FAM227B: variants seen among roughly 807,000 people sequenced by gnomAD.
The protein encoded by FAM227B is protein FAM227B.
FAM227B carries 88 observed loss-of-function variants against 73.8 expected under a neutral mutation model. That is an observed-to-expected ratio of 1.19 (90% CI 1.00 to 1.42). The LOEUF (loss-of-function observed/expected upper bound fraction) is 1.42, where lower values mean the gene tolerates loss of function less well. Among genes scored for constraint, FAM227B ranks in the 40% most tolerant of loss-of-function variants. The pLI, the probability that FAM227B is intolerant of heterozygous loss-of-function variation, is 0.00. For synonymous variants in FAM227B, 210 were observed against 190.5 expected (o/e 1.10, Z -0.84); for missense variants, 632 against 590.9 (o/e 1.07, Z -0.72).
At chr15:49,401,269 A>G (rs1370992449) in intron 11 of FAM227B, among the ~76,000 whole-genome samples, 10 of 152,284 alleles carry the variant, frequency 6.6e-5, no homozygotes, top group African/African-American at 1.4e-4. Flanking sequence ...ATCACTGGCC[A>G]TCAGAGAAAT....
At chr15:49,567,394 T>C (rs2074745518) in intron 9 of FAM227B, among the ~76,000 whole-genome samples, 1 of 152,110 alleles carries the variant, frequency 6.6e-6, no homozygotes, top group African/African-American at 2.4e-5. Context: ...CAGTAGCATA[T>C]TCTGGACATG....
intron 11 of FAM227B, among the ~76,000 whole-genome samples, chr15:49,447,795 C>T (rs551702385): frequency 4.6e-5 from 7 of 151,628 alleles, no homozygotes; most frequent in Non-Finnish European, 1.0e-4. Context: ...AACTGGTCAC[C>T]AACATGATGG....
In FAM227B at chr15:49,518,541, G is replaced by C. The variant is rs184371138; in HGVS notation, c.875-10193C>G. On this transcript the variant is annotated intron_variant, in intron 10 of 15. Coordinates refer to ENST00000299338, the MANE Select transcript of FAM227B (RefSeq NM_152647.3). ...ACGGCTGGGGAGGCCGCACAATCAT[G>C]GCAGAAGGCAAAGGAGGAGCAAAAC... Among the ~76,000 whole-genome samples the C allele has an allele frequency of 3.3e-5, 5 of 152,258 alleles. No homozygotes were observed. In the East Asian group the frequency reaches 9.7e-4, roughly 29 times the overall value.
At chr15:49,351,951 T>C (rs2042317499) in intron 13 of FAM227B, among the ~76,000 whole-genome samples, 1 of 152,222 alleles carries the variant, frequency 6.6e-6, no homozygotes, top group Non-Finnish European at 1.5e-5. Flanking sequence ...ATTTATATTA[T>C]TACCTCTGTA....
chr15:49,350,251 G>C (rs1200355752), intron 13 of FAM227B, among the ~76,000 whole-genome samples: 1 of 152,178 alleles, frequency 6.6e-6, no homozygotes, highest in Non-Finnish European at 1.5e-5. Flanking sequence ...AATGTGGCGA[G>C]TGTATCAGAT....
intron 9 of FAM227B, among the ~76,000 whole-genome samples, chr15:49,549,539 G>A (rs940865559): frequency 6.6e-6 from 1 of 151,986 alleles, no homozygotes; most frequent in African/African-American, 2.4e-5. Flanking sequence ...CTCTTAACGA[G>A]CATGCTGCCC....
chr15:49,530,610 A>G (rs1234881708), intron 10 of FAM227B, among the ~76,000 whole-genome samples: 2 of 151,860 alleles, frequency 1.3e-5, no homozygotes, highest in Admixed American at 6.6e-5. Context: ...TAGAACTACA[A>G]TGAAAGGCTA....
At position 49,588,002 on chromosome 15, in the gene FAM227B, C is replaced by G; in HGVS notation, c.405+14G>C. The stretch of plus-strand genomic sequence containing the variant: ...ATCCAACTTTCAAGGATGATAAAAA[C>G]ATAGATACCATACCATTATCTTTTT... On this transcript the variant is annotated intron_variant, in intron 5 of 15. Coordinates refer to ENST00000299338, the MANE Select transcript of FAM227B (RefSeq NM_152647.3). 7.0e-7 allele frequency: 1 copy of G among 1,430,396 alleles called. No homozygotes were observed. The highest frequency in any genetic ancestry group is 9.3e-7 in the Non-Finnish European group (1 of 1,077,856). 88.6% of individuals were successfully genotyped at this position (1,430,396 alleles called of 1,614,324 possible).
chr15:49,523,295 A>C (rs1304831911), intron 10 of FAM227B, among the ~76,000 whole-genome samples: 1 of 152,174 alleles, frequency 6.6e-6, no homozygotes, highest in Non-Finnish European at 1.5e-5. Context: ...AAGTAATTGA[A>C]TCATGATGGT....
intron 11 of FAM227B, among the ~76,000 whole-genome samples, chr15:49,392,824 A>C (rs919345601): frequency 8.5e-5 from 13 of 152,326 alleles, no homozygotes; most frequent in Non-Finnish European, 1.8e-4. Context: ...ATTATTTCAA[A>C]TGGTCATAGA....
At chr15:49,619,363 G>C (rs1326620676) in intron 1 of FAM227B, among the ~76,000 whole-genome samples, 2 of 152,164 alleles carry the variant, frequency 1.3e-5, no homozygotes, top group Non-Finnish European at 2.9e-5. Flanking sequence ...GTAGCACCGC[G>C]TTACTTTTTG....
chr15:49,489,539 A>C (rs2056700541), intron 11 of FAM227B: 1 of 168,216 alleles, frequency 5.9e-6, no homozygotes, highest in Non-Finnish European at 1.2e-5. Context: ...ATCAGACTCA[A>C]CATGAAGATA....
chr15:49,371,639 T>C lies in FAM227B; in HGVS notation c.1013-240A>G, dbSNP rs560715733. Among the ~76,000 whole-genome samples, 20 of 151,288 alleles carry C rather than the reference T, an allele frequency of 1.3e-4. No individual in the cohort carries two copies. In the South Asian group the frequency reaches 4.2e-3, roughly 31 times the overall value. The stretch of plus-strand genomic sequence containing the variant: ...TCATTTATAAATAAATGAAATAAAA[T>C]TCACTTATAAATAAATGAAATAAAA... On this transcript the variant is annotated intron_variant, in intron 11 of 15. Transcript: ENST00000299338.
chr15:49,509,725 G>A (rs572400101), intron 10 of FAM227B, among the ~76,000 whole-genome samples: 7 of 151,854 alleles, frequency 4.6e-5, no homozygotes, highest in East Asian at 3.9e-4. Flanking sequence ...CACAACACTC[G>A]AAATTTATCT....
intron 5 of FAM227B, 64 bp from the exon 6 acceptor site, chr15:49,577,728 T>G (rs1279377813): frequency 9.7e-7 from 1 of 1,031,934 alleles, no homozygotes; most frequent in Non-Finnish European, 1.4e-6. Context: ...ATTTAGTAAA[T>G]TTGTTCAGTT....
intron 11 of FAM227B, among the ~76,000 whole-genome samples, chr15:49,456,632 T>C (rs562230471): frequency 2.6e-5 from 4 of 152,196 alleles, no homozygotes; most frequent in African/African-American, 9.6e-5. Context: ...ATAACTAACA[T>C]AGTAACTACA....
chr15:49,461,346 T>A (rs538980390), intron 11 of FAM227B, among the ~76,000 whole-genome samples: 1 of 152,324 alleles, frequency 6.6e-6, no homozygotes, highest in African/African-American at 2.4e-5. Flanking sequence ...ACTGAGTAGG[T>A]ATACAGTCAA....
intron 8 of FAM227B, among the ~76,000 whole-genome samples, chr15:49,574,289 C>A (rs1370316310): frequency 6.6e-6 from 1 of 152,030 alleles, no homozygotes; most frequent in East Asian, 1.9e-4. Flanking sequence ...TTCCCAGATA[C>A]CCCCTCTGAT....
chr15:49,526,461 A>T (rs902196798), intron 10 of FAM227B, among the ~76,000 whole-genome samples: 4 of 152,130 alleles, frequency 2.6e-5, no homozygotes, highest in Non-Finnish European at 5.9e-5. Flanking sequence ...ATCTCAAATT[A>T]ACAACCTAAC....
Sources: allele counts gnomAD v4.1 joint callset (sites outside exome capture counted in the v4.1 genomes callset), GRCh38; gene constraint gnomAD v4.1.1; transcripts MANE v1.5; gene names NCBI Gene and HGNC (gene_info 2026-07-23, HGNC 2026-07-21).